The following NSD2 variants were observed in gnomAD, a reference collection of about 807,000 sequenced individuals.
The protein encoded by NSD2 is histone-lysine N-methyltransferase NSD2.
NSD2 carries 12 observed loss-of-function variants against 139.0 expected under a neutral mutation model. The observed-to-expected ratio is 0.09, with a 90% confidence interval of 0.06 to 0.14. NSD2 has a LOEUF of 0.14. Ranked by LOEUF, NSD2 falls within the 10% of genes least tolerant of loss-of-function variation. The pLI is 1.00. For missense variants in NSD2, 1,155 were observed against 1,745.0 expected (o/e 0.66, Z 6.02); for synonymous variants, 669 against 648.7 (o/e 1.03, Z -0.48).
At chr4:1,946,865 A>G (rs1014073782) in intron 9 of NSD2, 22 of 1,058,514 alleles carry the variant, frequency 2.1e-5, no homozygotes, top group Non-Finnish European at 2.4e-5. Context: ...TTGGTTGGAT[A>G]CCTTTGAACT....
chr4:1,969,802 A>T (rs1193759464), intron 18 of NSD2, among the ~76,000 whole-genome samples: 1 of 152,254 alleles, frequency 6.6e-6, no homozygotes. Context: ...AGTAGATAAA[A>T]GTTATACTCT....
At chr4:1,935,506 C>CA (rs1170176184) in intron 7 of NSD2, among the ~76,000 whole-genome samples, 1 of 152,206 alleles carries the variant, frequency 6.6e-6, no homozygotes, top group Non-Finnish European at 1.5e-5. Flanking sequence ...TGCAAGAAAA[C>CA]AGACATCCAA....
chr4:1,966,337 CATTT>C (rs1725880584), intron 18 of NSD2, among the ~76,000 whole-genome samples: 1 of 139,214 alleles, frequency 7.2e-6, no homozygotes, highest in South Asian at 2.5e-4. Flanking sequence ...TTTATAACTC[CATTT>C]GTTTGTTTGT....
At chr4:1,933,482 C>T (rs1484024570) in intron 6 of NSD2, among the ~76,000 whole-genome samples, 10 of 152,078 alleles carry the variant, frequency 6.6e-5, no homozygotes, top group East Asian at 3.9e-4. Context: ...CTCCGCCTGG[C>T]GGGTTCATGC....
At chr4:1,909,002 G>A (rs902499014) in intron 3 of NSD2, among the ~76,000 whole-genome samples, 7 of 151,828 alleles carry the variant, frequency 4.6e-5, no homozygotes, top group Non-Finnish European at 1.0e-4. Context: ...TTGTTAAATG[G>A]TAACTGGCTA....
chr4:1,944,628 CG>C lies in NSD2; in HGVS notation c.1881+4851del, dbSNP rs1684742159. 3 of 1,062,812 alleles carry C rather than the reference CG, an allele frequency of 2.8e-6. No individual in the cohort carries two copies. The East Asian group carries it at 1.5e-4, about 54-fold the overall frequency. 65.8% of individuals were successfully genotyped at this position (1,062,812 alleles called of 1,614,324 possible). ...GCTTAGATTGTAGCTGTTCTAAAAA[CG>C]TAAGTACTCCATTGTAATAGGGTGG... is the stretch of plus-strand genomic sequence containing the variant. On this transcript the variant is annotated intron_variant, in intron 9 of 21. Coordinates refer to ENST00000508803, the MANE Select transcript of NSD2 (RefSeq NM_001042424.3).
At position 1,955,598 on chromosome 4, in the gene NSD2, G is replaced by A. The variant is rs1724733271; in HGVS notation, c.2519-95G>A. 1 of 1,425,196 alleles carries A rather than the reference G, an allele frequency of 7.0e-7. No homozygotes were observed. The highest frequency in any genetic ancestry group is 1.4e-5 in the African/African-American group (1 of 69,714). 88.3% of individuals were successfully genotyped at this position (1,425,196 alleles called of 1,614,324 possible). On this transcript the variant is annotated intron_variant, in intron 13 of 21. Coordinates refer to ENST00000508803, the MANE Select transcript of NSD2 (RefSeq NM_001042424.3). The surrounding 1 kb of genome is among the most constrained non-coding windows in gnomAD (Gnocchi z 4.7). The stretch of plus-strand genomic sequence containing the variant: ...GCTGTTTTAAAACTGATGTTTATAA[G>A]TTAAGGCTGTAATAAGTGTAGACTG...
chr4:1,953,054 A>G lies in NSD2; in HGVS notation c.2138-270A>G. 2.1e-6 allele frequency: 3 copies of G among 1,452,026 alleles called. No homozygotes were observed. In the South Asian group the frequency reaches 4.5e-5, roughly 22 times the overall value. 89.9% of individuals were successfully genotyped at this position (1,452,026 alleles called of 1,614,324 possible). On this transcript the variant is annotated intron_variant, in intron 11 of 21. Transcript: ENST00000508803. ...CCTTCTTTCAAGCTTCTTGCCAGTT[A>G]GACTGGGCCTCCCCAGCCAGGCTGC...
In NSD2 at chr4:1,951,443, T is replaced by TCCACACACACACACACAC. The variant is rs1310266241; in HGVS notation, c.2013+240_2013+241insCCACACACACACACACAC. Among the ~76,000 whole-genome samples, 6 of 101,030 alleles carry TCCACACACACACACACAC rather than the reference T, an allele frequency of 5.9e-5. 1 individual carries two copies. Among genetic ancestry groups the TCCACACACACACACACAC allele is most frequent in the African/African-American group, 1.6e-4 (4 of 25,130 alleles). The allele number at this position is 101,030 out of a possible 152,430, so 66.3% of individuals were successfully genotyped here. A position where few individuals can be genotyped will look rare whatever the true frequency, so the allele number is the denominator to read the frequency against. On this transcript the variant is annotated intron_variant, in intron 10 of 21. Coordinates refer to ENST00000508803, the MANE Select transcript of NSD2 (RefSeq NM_001042424.3). ...TGAGATTTGTATACACATCATGTAA[T>TCCACACACACACACACAC]ACACACACACACACACACACACACA...
chr4:1,927,552 C>T (rs1721079447), intron 5 of NSD2, among the ~76,000 whole-genome samples: 1 of 151,700 alleles, frequency 6.6e-6, no homozygotes, highest in Admixed American at 6.6e-5. Context: ...ACCCCCATCT[C>T]TACTAAAAAT....
Position 1,976,679 on chromosome 4 carries a change from G to GGTGGGT in NSD2, c.3826+4_3826+9dup. On this transcript the variant is annotated inframe_insertion and splice_region_variant. Transcript: ENST00000508803. The surrounding 1 kb of genome is among the most constrained non-coding windows in gnomAD (Gnocchi z 5.3). The stretch of plus-strand genomic sequence containing the variant: ...CCTGGGCCTTGGCAAGCGGCCCTTC[G>GGTGGGT]GTGGGTGTGCAGCCTCGCGGTGGCT... The GGTGGGT allele has an allele frequency of 6.4e-7, 1 of 1,574,214 alleles. No individual in the cohort carries two copies. The highest frequency in any genetic ancestry group is 8.6e-7 in the Non-Finnish European group (1 of 1,160,044).
At chr4:1,906,587 T>C (rs531865030) in intron 3 of NSD2, among the ~76,000 whole-genome samples, 37 of 151,728 alleles carry the variant, frequency 2.4e-4, no homozygotes, top group Admixed American at 2.2e-3. Context: ...AGTTAAGTAA[T>C]TCCTGTAGTC....
chr4:1,942,239 G>A lies in NSD2; in HGVS notation c.1881+2461G>A. On this transcript the variant is annotated intron_variant, in intron 9 of 21. Coordinates refer to ENST00000508803, the MANE Select transcript of NSD2 (RefSeq NM_001042424.3). The surrounding 1 kb of genome is among the most constrained non-coding windows in gnomAD (Gnocchi z 4.0). ...TAAAATTACACACTTGCATGACAAA[G>A]GCCTGTGAAGGAATTAATGTGATTT... is the stretch of plus-strand genomic sequence containing the variant. 2 of 1,547,810 alleles carry A rather than the reference G, an allele frequency of 1.3e-6. No homozygotes were observed. Among genetic ancestry groups the A allele is most frequent in the Non-Finnish European group, 1.7e-6 (2 of 1,149,972 alleles).
rs1453597101 is a variant in NSD2, at chr4:1,953,277, T to C, written c.2138-47T>C. 6.8e-6 allele frequency: 11 copies of C among 1,614,204 alleles called. No individual in the cohort carries two copies. The Middle Eastern group carries it at 1.3e-3, about 194-fold the overall frequency. The stretch of plus-strand genomic sequence containing the variant: ...GTGGCTCAGAACTGCAATTTAATTC[T>C]TGTTCTTTGCACCTCTCTCTCCACC... On this transcript the variant is annotated intron_variant, in intron 11 of 21. Coordinates refer to ENST00000508803, the MANE Select transcript of NSD2 (RefSeq NM_001042424.3).
intron 21 of NSD2, 150 bp from the exon 22 acceptor site, chr4:1,978,488 G>T: frequency 8.7e-7 from 1 of 1,155,602 alleles, no homozygotes; most frequent in Admixed American, 2.8e-5. Flanking sequence ...CCGGGCTGTG[G>T]TAGACAGTTT....
chr4:1,932,982 G>C (rs548277946), intron 6 of NSD2, among the ~76,000 whole-genome samples: 1 of 152,360 alleles, frequency 6.6e-6, no homozygotes, highest in East Asian at 1.9e-4. Flanking sequence ...TTGGCTGGCT[G>C]TGCCATGTGG....
rs1713871667 is a variant in NSD2 at position 1,872,547 on chromosome 4, G to C, written c.-30+1005G>C. ...GATGTGGTGACGTTAATCGTTTTTA[G>C]GTAGATAACGTGTATTTTGTGTGTG... On this transcript the variant is annotated intron_variant, in intron 1 of 21. Transcript: ENST00000508803. 5.6e-5 allele frequency among the ~76,000 whole-genome samples: 8 copies of C among 142,832 alleles called. No homozygotes were observed. In the Admixed American group the frequency reaches 5.9e-4, roughly 10 times the overall value. The allele number at this position is 142,832 out of a possible 152,430, so 93.7% of individuals were successfully genotyped here.
intron 18 of NSD2, among the ~76,000 whole-genome samples, chr4:1,971,434 C>T (rs1443495342): frequency 6.6e-6 from 1 of 152,016 alleles, no homozygotes; most frequent in Non-Finnish European, 1.5e-5. Context: ...TAATTGAAGG[C>T]AGAGATCCTG....
intron 3 of NSD2, among the ~76,000 whole-genome samples, chr4:1,911,587 C>CAAAAAAA (rs372660600): frequency 8.8e-4 from 37 of 42,038 alleles, no homozygotes; most frequent in Non-Finnish European, 1.2e-3. Context: ...GACGCCATCT[C>CAAAAAAA]AAAAAAAAAA....
Sources: allele counts gnomAD v4.1 joint callset (sites outside exome capture counted in the v4.1 genomes callset), GRCh38; gene constraint gnomAD v4.1.1; non-coding constraint Gnocchi (gnomAD v3.1); transcripts MANE v1.5; gene names NCBI Gene and HGNC (gene_info 2026-07-23, HGNC 2026-07-21).